The following AKT3 variants were observed in gnomAD, a reference collection of about 807,000 sequenced individuals.
AKT3 encodes the protein AKT serine/threonine kinase 3.
A neutral mutation model predicts 65.3 loss-of-function variants in AKT3; 15 were observed. The observed-to-expected ratio is 0.23, with a 90% CI of 0.15 to 0.35. The LOEUF (loss-of-function observed/expected upper bound fraction) is 0.35, where lower values mean the gene tolerates loss of function less well. AKT3 is among the 10% of genes least tolerant of loss of function. The probability of loss-of-function intolerance (pLI) is 1.00; values close to 1 mark genes in which losing one functional copy is unlikely to be tolerated. For missense variants in AKT3, 243 were observed against 576.5 expected (o/e 0.42, Z 5.92); for synonymous variants, 206 against 183.8 (o/e 1.12, Z -0.98).
At chr1:243,665,396 A>G (rs1487575909) in intron 3 of AKT3, among the ~76,000 whole-genome samples, 1 of 152,184 alleles carries the variant, frequency 6.6e-6, no homozygotes, top group East Asian at 1.9e-4. Flanking sequence ...ATTTTAAGAA[A>G]ATGACAAATA....
chr1:243,674,170 C>T (rs1024112065), intron 3 of AKT3, among the ~76,000 whole-genome samples: 11 of 151,990 alleles, frequency 7.2e-5, no homozygotes, highest in Non-Finnish European at 1.5e-4. Flanking sequence ...GATAATCTAC[C>T]CCTAATAAAA....
intron 12 of AKT3, among the ~76,000 whole-genome samples, chr1:243,517,056 C>T (rs1346162016): frequency 6.6e-6 from 1 of 152,174 alleles, no homozygotes; most frequent in East Asian, 1.9e-4. Flanking sequence ...TCAGTCCATT[C>T]AAAATACTTT....
chr1:243,762,790 A>T (rs950178861), intron 2 of AKT3, among the ~76,000 whole-genome samples: 7 of 152,068 alleles, frequency 4.6e-5, no homozygotes, highest in Admixed American at 1.3e-4. Flanking sequence ...CAGAGCTTTC[A>T]GGATTAGGGC....
In AKT3 at chr1:243,613,755, A is replaced by G. The variant is rs772480154; in HGVS notation, c.628-16T>C. 1.9e-6 allele frequency: 3 copies of G among 1,551,686 alleles called. No individual in the cohort carries two copies. The South Asian group carries it at 3.6e-5, about 19-fold the overall frequency. On this transcript the variant is annotated splice_polypyrimidine_tract_variant and intron_variant, in intron 7 of 13. Coordinates refer to ENST00000673466, the MANE Select transcript of AKT3 (RefSeq NM_005465.7). ...ATTTCAAGGACTTGAAATAAAAAAA[A>G]GAAAAAATGTTACATTATAATCCTG...
chr1:243,666,939 G>C (rs1042109815), intron 3 of AKT3, among the ~76,000 whole-genome samples: 4 of 152,166 alleles, frequency 2.6e-5, no homozygotes, highest in Non-Finnish European at 5.9e-5. Context: ...TGGCAACACA[G>C]TACACTGTAG....
At chr1:243,673,635 G>C (rs961513743) in intron 3 of AKT3, among the ~76,000 whole-genome samples, 1 of 73,556 alleles carries the variant, frequency 1.4e-5, no homozygotes, top group African/African-American at 6.3e-5. Context: ...TTTTTTTTTA[G>C]ACAGAGTCTT....
chr1:243,794,024 TA>T (rs35120640), intron 2 of AKT3, among the ~76,000 whole-genome samples: 1 of 152,190 alleles, frequency 6.6e-6, no homozygotes, highest in Non-Finnish European at 1.5e-5. Context: ...ATTTTACCAT[TA>T]AAAAGCATTT....
intron 12 of AKT3, among the ~76,000 whole-genome samples, chr1:243,534,851 A>G (rs946487658): frequency 1.3e-5 from 2 of 152,192 alleles, no homozygotes; most frequent in African/African-American, 4.8e-5. Context: ...CTTAGAGGAA[A>G]ATTTATAGCA....
chr1:243,823,648 C>T (rs1314372533), intron 2 of AKT3, among the ~76,000 whole-genome samples: 1 of 152,096 alleles, frequency 6.6e-6, no homozygotes, highest in Non-Finnish European at 1.5e-5. Context: ...AGAGCCAAAT[C>T]ATGAATGAAC....
chr1:243,811,960 G>A (rs962816245), intron 2 of AKT3, among the ~76,000 whole-genome samples: 4 of 152,226 alleles, frequency 2.6e-5, no homozygotes, highest in Non-Finnish European at 4.4e-5. Context: ...GGGAAAACTG[G>A]CTAACCATAT....
intron 12 of AKT3, among the ~76,000 whole-genome samples, chr1:243,536,580 C>A (rs990991116): frequency 6.6e-6 from 1 of 152,028 alleles, no homozygotes; most frequent in Non-Finnish European, 1.5e-5. Flanking sequence ...TTAAGCTTTT[C>A]CTCATTCTTA....
At position 243,574,320 on chromosome 1, in the gene AKT3, CAG is replaced by C. The variant is rs377059454; in HGVS notation, c.697-1274_697-1273del. On this transcript the variant is annotated intron_variant, in intron 8 of 13. Coordinates refer to ENST00000673466, the MANE Select transcript of AKT3 (RefSeq NM_005465.7). ...ATGCATGACCCATTGGCATAGTAAA[CAG>C]AGAGAGAGAGAAAATATCACCTATA... Among the ~76,000 whole-genome samples the C allele has an allele frequency of 7.3e-4, 102 of 138,970 alleles. 1 individual carries two copies. In the South Asian group the frequency reaches 0.025, roughly 34 times the overall value. 91.2% of individuals were successfully genotyped at this position (138,970 alleles called of 152,430 possible).
At chr1:243,723,982 T>C (rs1687065256) in intron 2 of AKT3, among the ~76,000 whole-genome samples, 1 of 152,194 alleles carries the variant, frequency 6.6e-6, no homozygotes. Flanking sequence ...GTTAAAGCTG[T>C]CTCTCTCAAG....
At chr1:243,678,411 C>T (rs1683680655) in intron 3 of AKT3, among the ~76,000 whole-genome samples, 1 of 152,144 alleles carries the variant, frequency 6.6e-6, no homozygotes, top group South Asian at 2.1e-4. Flanking sequence ...CTTCACTGAT[C>T]TCTAGAAGAA....
chr1:243,695,546 AAAAT>A, intron 3 of AKT3, 41 bp downstream of exon 3: 2 of 1,514,160 alleles, frequency 1.3e-6, no homozygotes, highest in Non-Finnish European at 1.8e-6. Context: ...TAAAATCATA[AAAAT>A]AAATAAATAC....
chr1:243,537,223 C>T (rs1671996796), intron 12 of AKT3, among the ~76,000 whole-genome samples: 1 of 152,126 alleles, frequency 6.6e-6, no homozygotes, highest in Non-Finnish European at 1.5e-5. Flanking sequence ...GCTTCCCTCC[C>T]TCCTGACTTC....
chr1:243,839,045 A>T (rs1483705875), intron 2 of AKT3, among the ~76,000 whole-genome samples: 1 of 152,196 alleles, frequency 6.6e-6, no homozygotes, highest in Admixed American at 6.5e-5. Context: ...ATTTTAACTT[A>T]TTATCAAGGA....
chr1:243,523,077 T>C (rs927809198), intron 12 of AKT3, among the ~76,000 whole-genome samples: 3 of 152,186 alleles, frequency 2.0e-5, no homozygotes, highest in South Asian at 2.1e-4. Flanking sequence ...ATTTGAGGCA[T>C]AGGGGCAGGC....
intron 11 of AKT3, 105 bp downstream of exon 11, chr1:243,552,624 A>G (rs1245989656): frequency 9.6e-7 from 1 of 1,038,106 alleles, no homozygotes; most frequent in Non-Finnish European, 1.4e-6. Context: ...AGATGTCTAC[A>G]CCAAATACAT....
Sources: gnomAD v4.1 joint callset for allele counts (sites outside exome capture counted in the v4.1 genomes callset) on GRCh38, gnomAD v4.1.1 for gene constraint, MANE v1.5 for transcripts, NCBI Gene and HGNC (gene_info 2026-07-23, HGNC 2026-07-21) for gene names.